STXBP5L: variants seen among roughly 807,000 people sequenced by gnomAD.
STXBP5L encodes the protein syntaxin-binding protein 5-like.
STXBP5L carries 65 observed loss-of-function variants against 144.5 expected under a neutral mutation model. The ratio of observed to expected loss-of-function variants is 0.45; its 90% confidence interval spans 0.37 to 0.55. The LOEUF is 0.55. STXBP5L is among the 20% of genes least tolerant of loss of function. The pLI is 0.00. For synonymous variants in STXBP5L, 505 were observed against 469.6 expected, an observed-to-expected ratio of 1.08 and a Z score of -0.97; for missense variants, 1,298 against 1,405.5, an observed-to-expected ratio of 0.92 and a Z score of 1.22.
rs572048573 is a variant in STXBP5L at position 121,218,306 on chromosome 3, T to TA, written c.957-4696dup. On this transcript the variant is annotated intron_variant, in intron 10 of 26. Transcript: ENST00000471454. ...ATATACTATACATAGTATAATATAG[T>TA]ATATATATTACTATATACTACTAGC... Among the ~76,000 whole-genome samples the TA allele has an allele frequency of 1.5e-4, 21 of 143,710 alleles. 1 individual carries two copies. In the East Asian group the frequency reaches 4.2e-3, roughly 29 times the overall value. 94.3% of individuals were successfully genotyped at this position (143,710 alleles called of 152,430 possible).
At chr3:121,317,295 T>C (rs1018945095) in intron 19 of STXBP5L, among the ~76,000 whole-genome samples, 1 of 152,202 alleles carries the variant, frequency 6.6e-6, no homozygotes, top group South Asian at 2.1e-4. Flanking sequence ...GAGTGCAGAA[T>C]AAAAAATCTG....
chr3:121,190,907 A>G (rs141057925), intron 9 of STXBP5L, among the ~76,000 whole-genome samples: 118,352 of 150,580 alleles, frequency 0.79, 46,658 homozygotes, highest in East Asian at 0.93. Flanking sequence ...AGACGGGGTC[A>G]CGGCCGGGCA....
chr3:121,188,506 A>G (rs886118810), intron 9 of STXBP5L, among the ~76,000 whole-genome samples: 3 of 151,860 alleles, frequency 2.0e-5, no homozygotes, highest in African/African-American at 7.3e-5. Context: ...CAGCAAAAAA[A>G]AAAAAGACTT....
chr3:121,142,019 T>C (rs890741695), intron 7 of STXBP5L, among the ~76,000 whole-genome samples: 1 of 152,066 alleles, frequency 6.6e-6, no homozygotes, highest in Non-Finnish European at 1.5e-5. Context: ...CTGTCTACAG[T>C]AAACTCCCTT....
chr3:121,062,499 G>T (rs1353853526), intron 5 of STXBP5L, among the ~76,000 whole-genome samples: 7 of 152,216 alleles, frequency 4.6e-5, no homozygotes, highest in Non-Finnish European at 1.0e-4. Context: ...TTTTCTCAAG[G>T]AGTATCTTTG....
rs532923353 is a variant in STXBP5L, at chr3:121,035,105, G to T, written c.288-6595G>T. ...TGTTGAGTTGTTTGAGTTCTTTGTA[G>T]ATTTTGGATGTCAGTCCCCAGAATA... On this transcript the variant is annotated intron_variant, in intron 3 of 26. Coordinates refer to ENST00000471454, the MANE Select transcript of STXBP5L (RefSeq NM_001308330.2). Among the ~76,000 whole-genome samples, 29 of 152,182 alleles carry T rather than the reference G, an allele frequency of 1.9e-4. No individual in the cohort carries two copies. The South Asian group carries it at 5.4e-3, about 28-fold the overall frequency.
intron 18 of STXBP5L, among the ~76,000 whole-genome samples, chr3:121,260,305 T>A (rs990833774): frequency 2.0e-5 from 3 of 152,236 alleles, no homozygotes; most frequent in East Asian, 3.9e-4. Context: ...GTTTGCATAT[T>A]AGGGAAGTTA....
intron 9 of STXBP5L, among the ~76,000 whole-genome samples, chr3:121,161,699 A>G (rs2046327863): frequency 6.6e-6 from 1 of 152,074 alleles, no homozygotes; most frequent in African/African-American, 2.4e-5. Flanking sequence ...ATATGTATTT[A>G]TGGTTTCAAA....
rs1459725101 is a variant in STXBP5L at position 121,192,948 on chromosome 3, C to A, written c.878-12975C>A. Among the ~76,000 whole-genome samples the A allele has an allele frequency of 2.6e-5, 4 of 151,614 alleles. No individual in the cohort carries two copies. The East Asian group carries it at 7.9e-4, about 30-fold the overall frequency. Reference sequence around the variant, plus strand: ...ATAACTAAAACACCAAAAGCAATGGCAACAAAAGCCAAAATTGACAAATGG... The same window carrying A: ...ATAACTAAAACACCAAAAGCAATGGAAACAAAAGCCAAAATTGACAAATGG... On this transcript the variant is annotated intron_variant, in intron 9 of 26. Coordinates refer to ENST00000471454, the MANE Select transcript of STXBP5L (RefSeq NM_001308330.2).
At chr3:121,056,929 A>G (rs1230037834) in intron 5 of STXBP5L, among the ~76,000 whole-genome samples, 1 of 151,034 alleles carries the variant, frequency 6.6e-6, no homozygotes, top group Non-Finnish European at 1.5e-5. Flanking sequence ...TAAACAAATT[A>G]GCAAGGTCTT....
chr3:121,337,689 T>G (rs1195323008), intron 20 of STXBP5L, among the ~76,000 whole-genome samples: 1 of 152,108 alleles, frequency 6.6e-6, no homozygotes, highest in Non-Finnish European at 1.5e-5. Context: ...GTACTTAAAC[T>G]GCATTCTAGA....
chr3:121,089,829 C>G (rs1469489756), intron 5 of STXBP5L, among the ~76,000 whole-genome samples: 1 of 151,964 alleles, frequency 6.6e-6, no homozygotes, highest in Non-Finnish European at 1.5e-5. Context: ...AGGCCACTGG[C>G]TCTTATGTCT....
chr3:120,933,736 C>T (rs1018600939), intron 2 of STXBP5L, among the ~76,000 whole-genome samples: 3 of 152,012 alleles, frequency 2.0e-5, no homozygotes, highest in African/African-American at 7.2e-5. Context: ...ATTCCAGATC[C>T]TAGAAGAGCA....
chr3:121,185,949 T>A (rs1196359714), intron 9 of STXBP5L, among the ~76,000 whole-genome samples: 1 of 152,202 alleles, frequency 6.6e-6, no homozygotes, highest in Non-Finnish European at 1.5e-5. Flanking sequence ...TTCTTCCATT[T>A]GTTTGTATCC....
At chr3:121,061,004 C>T (rs2041248235) in intron 5 of STXBP5L, among the ~76,000 whole-genome samples, 2 of 152,024 alleles carry the variant, frequency 1.3e-5, no homozygotes, top group Non-Finnish European at 2.9e-5. Context: ...TATTTCTTGT[C>T]TTCTGCTACC....
intron 20 of STXBP5L, among the ~76,000 whole-genome samples, chr3:121,345,354 C>G (rs1248067982): frequency 6.6e-6 from 1 of 152,094 alleles, no homozygotes; most frequent in Non-Finnish European, 1.5e-5. Flanking sequence ...CTTTTTATGA[C>G]TGCATAGTAT....
intron 3 of STXBP5L, among the ~76,000 whole-genome samples, chr3:121,033,235 G>A (rs372917297): frequency 3.6e-5 from 5 of 137,646 alleles, no homozygotes; most frequent in South Asian, 2.5e-4. Context: ...GGAATACTAT[G>A]CAGCCATAAA....
chr3:121,100,655 A>G (rs1311590368), intron 5 of STXBP5L, among the ~76,000 whole-genome samples: 1 of 152,194 alleles, frequency 6.6e-6, no homozygotes, highest in Non-Finnish European at 1.5e-5. Flanking sequence ...AAAGATCTCA[A>G]ATTAATGATC....
At chr3:121,369,321 C>T (rs1308400769) in intron 20 of STXBP5L, among the ~76,000 whole-genome samples, 2 of 147,310 alleles carry the variant, frequency 1.4e-5, no homozygotes, top group Non-Finnish European at 3.0e-5. Flanking sequence ...CCTATTCCAT[C>T]TCAGAATCCT....
Sources: gnomAD v4.1 joint callset for allele counts (sites outside exome capture counted in the v4.1 genomes callset) on GRCh38, gnomAD v4.1.1 for gene constraint, MANE v1.5 for transcripts, NCBI Gene and HGNC (gene_info 2026-07-23, HGNC 2026-07-21) for gene names.